The following SYT17 variants were observed in gnomAD, a reference collection of about 807,000 sequenced individuals.
SYT17 encodes synaptotagmin-17.
Under a neutral mutation model 46.7 loss-of-function variants are expected in SYT17, and 22 were observed. The ratio of observed to expected loss-of-function variants is 0.47; its 90% CI spans 0.34 to 0.67. The LOEUF (loss-of-function observed/expected upper bound fraction) is 0.67. Ranked by LOEUF, SYT17 falls within the 30% of genes least tolerant of loss-of-function variation. SYT17 has a pLI of 0.01. For missense variants in SYT17, 519 were observed against 612.8 expected, an observed-to-expected ratio of 0.85 and a Z score of 1.62; for synonymous variants, 251 against 248.4, an observed-to-expected ratio of 1.01 and a Z score of -0.10.
At chr16:19,211,450 A>C (rs1281802340) in intron 5 of SYT17, 3 of 703,680 alleles carry the variant, frequency 4.3e-6, no homozygotes, top group Non-Finnish European at 7.8e-6. Context: ...TATGGAGAAA[A>C]AGGTAAGGAC....
intron 7 of SYT17, among the ~76,000 whole-genome samples, chr16:19,246,669 ATATCTC>A (rs1407732163): frequency 2.0e-5 from 3 of 152,164 alleles, no homozygotes; most frequent in African/African-American, 7.2e-5. Context: ...GTGTATGTCT[ATATCTC>A]TACTCTCTTT....
chr16:19,234,115 C>T (rs554889202), intron 7 of SYT17, among the ~76,000 whole-genome samples: 3 of 152,198 alleles, frequency 2.0e-5, no homozygotes, highest in East Asian at 1.9e-4. Context: ...TGCTTGAGGC[C>T]AGGAGTTCAA....
chr16:19,224,822 C>T lies in SYT17; in HGVS notation c.1212C>T (p.Ala404=), dbSNP rs756548346. ...TTCCCCAAGAAGAACTGGAAAATGC[C>T]AGCCTAGTGTTTACAGGTAGGTAGC... ...FKVPQEELEN[A]SLVFTVFGHN... The change falls in exon 7 of 8, where the codon GCC becomes GCT. Residue 404 remains alanine (A), a synonymous_variant. Transcript: ENST00000355377. The T allele has an allele frequency of 2.5e-6, 4 of 1,613,870 alleles. No homozygotes were observed. In the African/African-American group the frequency reaches 4.0e-5, roughly 16 times the overall value.
intron 7 of SYT17, among the ~76,000 whole-genome samples, chr16:19,262,840 A>G (rs1190934799): frequency 6.6e-6 from 1 of 152,150 alleles, no homozygotes; most frequent in Admixed American, 6.5e-5. Context: ...CTCAGGCAGG[A>G]AGCTGCAGGT....
chr16:19,172,768 A>G lies in SYT17; in HGVS notation c.24A>G (p.Pro8=), dbSNP rs1567195828. The G allele has an allele frequency of 1.9e-6, 3 of 1,613,976 alleles. No individual in the cohort carries two copies. Among genetic ancestry groups the G allele is most frequent in the East Asian group, 4.5e-5 (2 of 44,878 alleles). The part of the protein sequence containing the change: MAYIQLE[P]LNEGFLSRIS... ...GGATCTTAAAAGGGCAGTTGGAACCATTAAACGAGGTGGGTTCATTTGATG... is the reference window on the plus strand; with the variant it reads ...GGATCTTAAAAGGGCAGTTGGAACCGTTAAACGAGGTGGGTTCATTTGATG... Residue 8 remains proline (P), a synonymous_variant, in exon 2 of 8, where the codon CCA becomes CCG. Transcript: ENST00000355377.
chr16:19,251,895 T>C (rs8051063), intron 7 of SYT17, among the ~76,000 whole-genome samples: 3,042 of 152,188 alleles, frequency 0.02, 83 homozygotes, highest in African/African-American at 0.07. Flanking sequence ...TATTGATCTT[T>C]AAGGGATGTT....
Position 19,183,663 on chromosome 16 carries a change from A to C in SYT17, c.467A>C (p.Lys156Thr). 6.2e-7 allele frequency: 1 copy of C among 1,614,178 alleles called. No homozygotes were observed. The highest frequency in any genetic ancestry group is 8.5e-7 in the Non-Finnish European group (1 of 1,180,024). ...RTYNPDDYFR[K>T]FEPHLYSLDS... The stretch of plus-strand genomic sequence containing the variant: ...TATAACCCCGACGACTATTTCAGGA[A>C]GTTCGAACCCCACCTGTACTCCCTC... The change falls in exon 5 of 8, where the codon AAG becomes ACG. Residue 156 changes from lysine (K) to threonine (T), a missense_variant. Transcript: ENST00000355377. This position sits in a 1 kb window ranked among gnomAD's most constrained non-coding sequence, Gnocchi z 5.6.
At chr16:19,199,545 C>A (rs1299687184) in intron 5 of SYT17, among the ~76,000 whole-genome samples, 4 of 152,072 alleles carry the variant, frequency 2.6e-5, no homozygotes, top group African/African-American at 9.7e-5. Flanking sequence ...TCCAAACCAG[C>A]CTGGGCAACA....
intron 6 of SYT17, 74 bp downstream of exon 6, chr16:19,223,239 T>C: frequency 6.4e-7 from 1 of 1,565,694 alleles, no homozygotes; most frequent in Non-Finnish European, 8.7e-7. Context: ...CCAGTTTTCT[T>C]TTTCCGTATC....
In SYT17 at chr16:19,183,703, C is replaced by T. The variant is rs759249347; in HGVS notation, c.507C>T (p.Asp169=). The part of the protein sequence containing the change: ...PHLYSLDSNS[D]DVDSLTDEEI... ...TGTACTCCCTCGACTCCAACAGCGA[C>T]GATGTGGACTCTCTGACAGACGAGG... Residue 169 remains aspartate (D), a synonymous_variant, in exon 5 of 8, where the codon GAC becomes GAT. Transcript: ENST00000355377. This position sits in a 1 kb window ranked among gnomAD's most constrained non-coding sequence, Gnocchi z 5.6. The T allele has an allele frequency of 1.3e-5, 21 of 1,614,244 alleles. No individual in the cohort carries two copies. The highest frequency in any genetic ancestry group is 1.7e-5 in the Admixed American group (1 of 60,036).
At chr16:19,201,823 C>T (rs1965478944) in intron 5 of SYT17, among the ~76,000 whole-genome samples, 1 of 152,150 alleles carries the variant, frequency 6.6e-6, no homozygotes, top group African/African-American at 2.4e-5. Context: ...CAGATACTTA[C>T]TGAGCACTTG....
intron 1 of SYT17, chr16:19,170,755 T>C (rs1181520034): frequency 3.3e-5 from 5 of 152,182 alleles, no homozygotes. Flanking sequence ...TAGATTATTA[T>C]GAAAAAGTAT....
intron 7 of SYT17, among the ~76,000 whole-genome samples, chr16:19,233,679 T>C (rs537297061): frequency 6.6e-6 from 1 of 151,716 alleles, no homozygotes; most frequent in South Asian, 2.1e-4. Context: ...AAATTAAAAA[T>C]AAAAAGTGTT....
At chr16:19,211,602 C>G in intron 5 of SYT17, 2 of 624,744 alleles carry the variant, frequency 3.2e-6, no homozygotes, top group Non-Finnish European at 5.8e-6. Context: ...AAGTTCAAGC[C>G]TTGGGGCAGG....
chr16:19,248,321 A>G lies in SYT17; in HGVS notation c.1229-18559A>G, dbSNP rs533807383. Among the ~76,000 whole-genome samples the G allele has an allele frequency of 3.3e-5, 5 of 152,372 alleles. No homozygotes were observed. The South Asian group carries it at 1.0e-3, about 32-fold the overall frequency. ...TTGGAAACAGTTATGAATGGGGCTT[A>G]TAAGGGTAAATATATATTTACCATC... On this transcript the variant is annotated intron_variant, in intron 7 of 7. Transcript: ENST00000355377.
At chr16:19,171,753 T>G (rs1964102730) in intron 1 of SYT17, 1 of 152,110 alleles carries the variant, frequency 6.6e-6, no homozygotes, top group Non-Finnish European at 1.5e-5. Flanking sequence ...TCATGTGACA[T>G]CGCAGAAGGC....
In SYT17 at chr16:19,185,893, C is replaced by CT. The variant is rs2142611743; in HGVS notation, c.951+1746_951+1747insT. On this transcript the variant is annotated intron_variant, in intron 5 of 7. Coordinates refer to ENST00000355377, the MANE Select transcript of SYT17 (RefSeq NM_016524.4). The stretch of plus-strand genomic sequence containing the variant: ...ATGTGTCGCCTTCCAGTGCACTAAG[C>CT]GGTAATCACACCTGGTGAATATCTA... Among the ~76,000 whole-genome samples, 4 of 152,306 alleles carry CT rather than the reference C, an allele frequency of 2.6e-5. No homozygotes were observed. The South Asian group carries it at 8.3e-4, about 32-fold the overall frequency.
intron 7 of SYT17, chr16:19,250,174 A>G (rs983158633): frequency 8.1e-7 from 1 of 1,239,288 alleles, no homozygotes; most frequent in African/African-American, 1.5e-5. Flanking sequence ...TCCCATGAAC[A>G]CCCATATTTC....
At chr16:19,190,945 CTG>C (rs1375535437) in intron 5 of SYT17, among the ~76,000 whole-genome samples, 1 of 151,940 alleles carries the variant, frequency 6.6e-6, no homozygotes, top group Non-Finnish European at 1.5e-5. Flanking sequence ...TTTTGACCAA[CTG>C]TGTGTGTGTT....
Sources: allele counts gnomAD v4.1 joint callset (sites outside exome capture counted in the v4.1 genomes callset), GRCh38; gene constraint gnomAD v4.1.1; non-coding constraint Gnocchi (gnomAD v3.1); transcripts MANE v1.5; gene names NCBI Gene and HGNC (gene_info 2026-07-23, HGNC 2026-07-21).